The following CCDC170 variants were observed in gnomAD, a reference collection of about 807,000 sequenced individuals.
CCDC170 encodes the protein coiled-coil domain containing 170.
Under a neutral mutation model 72.6 loss-of-function variants are expected in CCDC170, and 69 were observed. The ratio of observed to expected loss-of-function variants is 0.95; its 90% CI spans 0.78 to 1.16. The LOEUF (loss-of-function observed/expected upper bound fraction) is 1.16. CCDC170 is among the 50% of genes most tolerant of loss of function. The probability of loss-of-function intolerance (pLI) is 0.00; values close to 1 mark genes in which losing one functional copy is unlikely to be tolerated. For synonymous variants in CCDC170, 300 were observed against 303.9 expected (o/e 0.99, Z 0.13); for missense variants, 852 against 832.5 (o/e 1.02, Z -0.29).
At chr6:151,609,478 A>G (rs1435685171) in intron 9 of CCDC170, among the ~76,000 whole-genome samples, 3 of 152,182 alleles carry the variant, frequency 2.0e-5, no homozygotes, top group African/African-American at 7.2e-5. Flanking sequence ...TTATAACATG[A>G]GAGAATTGTT....
intron 6 of CCDC170, among the ~76,000 whole-genome samples, chr6:151,582,399 C>T (rs1198444991): frequency 1.3e-5 from 2 of 152,192 alleles, no homozygotes; most frequent in African/African-American, 4.8e-5. Context: ...TTCTTCACCT[C>T]TCTTAGGCTT....
intron 3 of CCDC170, among the ~76,000 whole-genome samples, chr6:151,541,546 ATC>A (rs2115051513): frequency 6.6e-6 from 1 of 152,108 alleles, no homozygotes; most frequent in Admixed American, 6.6e-5. Context: ...TTACTGTTGT[ATC>A]TTTAGCACCT....
intron 6 of CCDC170, among the ~76,000 whole-genome samples, chr6:151,581,486 C>G (rs1348877579): frequency 1.3e-5 from 2 of 152,164 alleles, no homozygotes; most frequent in Non-Finnish European, 2.9e-5. Context: ...TTCTAGTTCT[C>G]TTGCTATTTC....
chr6:151,566,918 G>C (rs4870042), intron 5 of CCDC170, among the ~76,000 whole-genome samples: 23,067 of 152,118 alleles, frequency 0.15, 2,192 homozygotes, highest in East Asian at 0.46. Flanking sequence ...CTGTTGTATA[G>C]GAAATTTTTT....
At chr6:151,521,439 C>T (rs973864966) in intron 1 of CCDC170, among the ~76,000 whole-genome samples, 1 of 152,170 alleles carries the variant, frequency 6.6e-6, no homozygotes, top group Non-Finnish European at 1.5e-5. Flanking sequence ...GACTTTGTCT[C>T]ATTGCAAGTA....
intron 1 of CCDC170, among the ~76,000 whole-genome samples, chr6:151,518,757 A>G (rs1782271959): frequency 6.6e-6 from 1 of 152,222 alleles, no homozygotes; most frequent in Non-Finnish European, 1.5e-5. Flanking sequence ...CTGGGCCTCC[A>G]TGGGTGACAT....
chr6:151,514,241 C>T (rs1337818697), intron 1 of CCDC170, among the ~76,000 whole-genome samples: 2 of 148,190 alleles, frequency 1.3e-5, no homozygotes, highest in East Asian at 2.0e-4. Flanking sequence ...GTCAAGTCTG[C>T]AGTGAGCCGT....
chr6:151,603,081 G>A (rs117992467), intron 9 of CCDC170, among the ~76,000 whole-genome samples: 8,719 of 152,170 alleles, frequency 0.057, 297 homozygotes, highest in South Asian at 0.096. Flanking sequence ...GATTACAGGC[G>A]TGAGACAACA....
chr6:151,494,048 C>CGCGCCACCCGCCGGCTCCCG lies in CCDC170; in HGVS notation c.-75_-56dup. 1.5e-6 allele frequency: 2 copies of CGCGCCACCCGCCGGCTCCCG among 1,347,832 alleles called. No homozygotes were observed. Among genetic ancestry groups the CGCGCCACCCGCCGGCTCCCG allele is most frequent in the South Asian group, 1.6e-5 (1 of 63,058 alleles). The allele number at this position is 1,347,832 out of a possible 1,614,324, so 83.5% of individuals were successfully genotyped here. On this transcript the variant is annotated 5_prime_UTR_variant, in exon 1 of 11. Transcript: ENST00000239374. ...TTTACCCGTTGCCCGAGGAGACACC[C>CGCGCCACCCGCCGGCTCCCG]GCGCCACCCGCCGGCTCCCGGCGCC...
chr6:151,588,585 A>G (rs937899400), intron 7 of CCDC170, among the ~76,000 whole-genome samples: 1 of 152,120 alleles, frequency 6.6e-6, no homozygotes, highest in African/African-American at 2.4e-5. Context: ...AGTCTGGGAG[A>G]GTGAAGGGAG....
intron 1 of CCDC170, among the ~76,000 whole-genome samples, chr6:151,533,052 CTTT>C (rs58383930): frequency 8.0e-4 from 94 of 117,990 alleles, no homozygotes; most frequent in Middle Eastern, 8.1e-3. Context: ...GACTATTTCT[CTTT>C]TTTTTTTTTT....
At chr6:151,567,176 C>T (rs1229521468) in intron 5 of CCDC170, among the ~76,000 whole-genome samples, 1 of 152,164 alleles carries the variant, frequency 6.6e-6, no homozygotes, top group Non-Finnish European at 1.5e-5. Context: ...GCCTCGGCCT[C>T]TCAAAGTGCT....
At chr6:151,609,146 T>C (rs1468334025) in intron 9 of CCDC170, among the ~76,000 whole-genome samples, 3 of 152,202 alleles carry the variant, frequency 2.0e-5, no homozygotes, top group Non-Finnish European at 4.4e-5. Context: ...TGATGTGTGG[T>C]TATTTGTTGT....
chr6:151,494,220 G>A (rs1219281520), intron 1 of CCDC170, 35 bp downstream of exon 1: 2 of 1,487,882 alleles, frequency 1.3e-6, no homozygotes, highest in Non-Finnish European at 8.9e-7. Context: ...CGCGGGGGTG[G>A]CCCTGGGGAT....
In CCDC170 at chr6:151,593,257, A is replaced by C; in HGVS notation, c.1444A>C (p.Ile482Leu). 1 of 1,613,856 alleles carries C rather than the reference A, an allele frequency of 6.2e-7. No homozygotes were observed. The highest frequency in any genetic ancestry group is 8.5e-7 in the Non-Finnish European group (1 of 1,179,760). ...ESNAVIENKT[I>L]AHNLQRKLKT... ...CAATGCAGTCATTGAGAACAAGACC[A>C]TTGCCCACAATTTGCAGAGAAAGGT... The change falls in exon 8 of 11, where the codon ATT becomes CTT. Residue 482 changes from isoleucine to leucine, a missense_variant. Physicochemically the swap from Ile to Leu is conservative, Grantham distance 5. Transcript: ENST00000239374.
chr6:151,569,815 G>A (rs989615736), intron 5 of CCDC170, among the ~76,000 whole-genome samples: 2 of 152,120 alleles, frequency 1.3e-5, no homozygotes, highest in African/African-American at 4.8e-5. Flanking sequence ...CTAAGGGAGC[G>A]ACCATCCCCA....
At chr6:151,528,911 A>G (rs985817860) in intron 1 of CCDC170, among the ~76,000 whole-genome samples, 6 of 152,090 alleles carry the variant, frequency 3.9e-5, no homozygotes, top group Non-Finnish European at 7.4e-5. Flanking sequence ...AAAGATAACC[A>G]TAGTTAACAC....
intron 3 of CCDC170, among the ~76,000 whole-genome samples, chr6:151,539,319 C>G (rs1782644332): frequency 6.6e-6 from 1 of 152,098 alleles, no homozygotes; most frequent in South Asian, 2.1e-4. Context: ...TCTCTGGAAT[C>G]TGCTCCACTG....
At chr6:151,546,967 G>C (rs191869316) in intron 4 of CCDC170, among the ~76,000 whole-genome samples, 2 of 150,008 alleles carry the variant, frequency 1.3e-5, no homozygotes, top group African/African-American at 2.5e-5. Context: ...TTGGCATCTC[G>C]GCCACGTGAG....
Sources: gnomAD v4.1 joint callset for allele counts (sites outside exome capture counted in the v4.1 genomes callset) on GRCh38, gnomAD v4.1.1 for gene constraint, MANE v1.5 for transcripts, NCBI Gene and HGNC (gene_info 2026-07-23, HGNC 2026-07-21) for gene names.